The following RBFOX2 variants were observed in gnomAD, a reference collection of about 807,000 sequenced individuals.
RBFOX2 encodes RNA binding fox-1 homolog 2.
RBFOX2 carries 10 observed loss-of-function variants against 49.1 expected under a neutral mutation model. The observed-to-expected ratio is 0.20, with a 90% CI of 0.13 to 0.35. RBFOX2 has a LOEUF of 0.35. RBFOX2 is among the 10% of genes least tolerant of loss of function. RBFOX2 has a pLI of 1.00. For synonymous variants in RBFOX2, 183 were observed against 187.4 expected, an observed-to-expected ratio of 0.98 and a Z score of 0.19; for missense variants, 323 against 486.9, an observed-to-expected ratio of 0.66 and a Z score of 3.17.
chr22:35,840,690 T>C (rs1055091159), upstream of RBFOX2: 11 of 914,672 alleles, frequency 1.2e-5, no homozygotes, highest in African/African-American at 2.0e-4. Flanking sequence ...GCAAGCGCCA[T>C]GTGCTGGCAT....
intron 1 of RBFOX2, among the ~76,000 whole-genome samples, chr22:35,903,084 C>G: frequency 6.6e-6 from 1 of 151,874 alleles, no homozygotes. Flanking sequence ...TCTCCTTTGA[C>G]CCCTCATCTC....
At chr22:35,923,711 T>TC (rs753197484) in intron 1 of RBFOX2, among the ~76,000 whole-genome samples, 56 of 151,238 alleles carry the variant, frequency 3.7e-4, no homozygotes, top group Admixed American at 1.1e-3. Flanking sequence ...TTAAAACCCT[T>TC]CCCCCCCACC....
intron 1 of RBFOX2, among the ~76,000 whole-genome samples, chr22:35,828,061 T>A (rs1956107917): frequency 6.6e-6 from 1 of 150,790 alleles, no homozygotes; most frequent in Non-Finnish European, 1.5e-5. Context: ...CTTGGGAGGC[T>A]GAGGCAGGAG....
intron 9 of RBFOX2, among the ~76,000 whole-genome samples, chr22:35,757,840 G>A (rs1298383067): frequency 6.6e-6 from 1 of 152,082 alleles, no homozygotes; most frequent in Non-Finnish European, 1.5e-5. Context: ...CTGATAAAAT[G>A]GAAAGCACTG....
intron 2 of RBFOX2, among the ~76,000 whole-genome samples, chr22:35,789,332 C>T (rs530294025): frequency 6.6e-6 from 1 of 152,250 alleles, no homozygotes; most frequent in South Asian, 2.1e-4. Flanking sequence ...CACCTGAGGT[C>T]ACGAGTTCAA....
At chr22:35,876,350 C>T (rs745495557) in intron 1 of RBFOX2, among the ~76,000 whole-genome samples, 8 of 151,960 alleles carry the variant, frequency 5.3e-5, no homozygotes, top group Non-Finnish European at 8.8e-5. Context: ...CTCAGCCTCC[C>T]AAGTAACTGA....
At chr22:35,810,997 A>C (rs1168050942) in intron 1 of RBFOX2, among the ~76,000 whole-genome samples, 1 of 152,238 alleles carries the variant, frequency 6.6e-6, no homozygotes, top group Non-Finnish European at 1.5e-5. Flanking sequence ...TGTTACTCTT[A>C]AGAGAATGGT....
chr22:35,897,342 A>C, intron 1 of RBFOX2: 2 of 1,363,360 alleles, frequency 1.5e-6, no homozygotes, highest in South Asian at 2.3e-5. Flanking sequence ...AAGCCGCAGC[A>C]CCTCAATGGC....
chr22:35,948,041 T>A (rs1470585448), intron 1 of RBFOX2, among the ~76,000 whole-genome samples: 1 of 152,228 alleles, frequency 6.6e-6, no homozygotes, highest in African/African-American at 2.4e-5. Context: ...ACAAGTGCCC[T>A]ATACCTGTGT....
At chr22:35,814,710 C>CAAAAAAAAAA (rs55971445) in intron 1 of RBFOX2, among the ~76,000 whole-genome samples, 23 of 30,816 alleles carry the variant, frequency 7.5e-4, no homozygotes, top group East Asian at 1.1e-3. Flanking sequence ...AACCCTGTCT[C>CAAAAAAAAAA]AAAAAAAAAA....
intron 1 of RBFOX2, among the ~76,000 whole-genome samples, chr22:36,024,527 G>A (rs2059358119): frequency 6.6e-6 from 1 of 152,062 alleles, no homozygotes; most frequent in South Asian, 2.1e-4. Context: ...GATCACCTGA[G>A]GTCAGGAGTT....
At chr22:35,863,557 G>A (rs2043335768) in intron 1 of RBFOX2, among the ~76,000 whole-genome samples, 2 of 152,142 alleles carry the variant, frequency 1.3e-5, no homozygotes, top group African/African-American at 4.8e-5. Flanking sequence ...TCAGGAATCT[G>A]ACAGCTGCAC....
chr22:35,843,372 G>A (rs981079920), upstream of RBFOX2, among the ~76,000 whole-genome samples: 2 of 152,232 alleles, frequency 1.3e-5, no homozygotes, highest in Admixed American at 1.3e-4. Flanking sequence ...CTGGGACGTG[G>A]TAAGTACTCA....
intron 1 of RBFOX2, among the ~76,000 whole-genome samples, chr22:35,976,241 T>A (rs2057143373): frequency 6.6e-6 from 1 of 152,146 alleles, no homozygotes; most frequent in South Asian, 2.1e-4. Context: ...TGACTCCTTA[T>A]CTTTCTATTT....
chr22:35,953,141 G>A (rs1479777828), intron 1 of RBFOX2, among the ~76,000 whole-genome samples: 1 of 148,264 alleles, frequency 6.7e-6, no homozygotes, highest in Non-Finnish European at 1.5e-5. Context: ...AACTTGGGAG[G>A]CAGAGCTTGC....
chr22:35,789,794 G>A (rs1464935316), intron 2 of RBFOX2, among the ~76,000 whole-genome samples: 1 of 152,082 alleles, frequency 6.6e-6, no homozygotes, highest in African/African-American at 2.4e-5. Context: ...TGTTGTTTTG[G>A]TTTCTTTTTG....
At chr22:35,743,032 G>C (rs1930734739) in exon 12 of RBFOX2, 1 of 152,654 alleles carries the variant, frequency 6.6e-6, no homozygotes, top group Non-Finnish European at 1.5e-5. Flanking sequence ...AAGTGCCTCT[G>C]CCTGCCCTTC....
At chr22:35,977,931 A>C (rs1011914342) in intron 1 of RBFOX2, among the ~76,000 whole-genome samples, 1 of 151,636 alleles carries the variant, frequency 6.6e-6, no homozygotes, top group Non-Finnish European at 1.5e-5. Flanking sequence ...CCAGAGGCCA[A>C]AGATAAGAGT....
At chr22:35,917,722 C>T (rs1185691780) in intron 1 of RBFOX2, among the ~76,000 whole-genome samples, 1 of 152,160 alleles carries the variant, frequency 6.6e-6, no homozygotes, top group Non-Finnish European at 1.5e-5. Flanking sequence ...AAGTCAGTGG[C>T]GTGCAAACTC....
Sources: gnomAD v4.1 joint callset for allele counts (sites outside exome capture counted in the v4.1 genomes callset) on GRCh38, gnomAD v4.1.1 for gene constraint, MANE v1.5 for transcripts, NCBI Gene and HGNC (gene_info 2026-07-23, HGNC 2026-07-21) for gene names.